TRDN: variants seen among roughly 807,000 people sequenced by gnomAD.
TRDN encodes triadin in skeletal muscle.
In TRDN, 161 loss-of-function variants were observed where a neutral mutation model predicts 149.7. That is an observed-to-expected ratio of 1.08 (90% CI 0.95 to 1.23). TRDN has a LOEUF of 1.23. TRDN is among the 50% of genes most tolerant of loss of function. The probability of loss-of-function intolerance (pLI) is 0.00; values close to 1 mark genes in which losing one functional copy is unlikely to be tolerated. For synonymous variants in TRDN, 294 were observed against 250.5 expected (o/e 1.17, Z -1.64); for missense variants, 896 against 823.5 (o/e 1.09, Z -1.08).
In TRDN at chr6:123,349,284, T is replaced by C. The variant is rs907659391; in HGVS notation, c.1369+3255A>G. The stretch of plus-strand genomic sequence containing the variant: ...GTTGCTAATGGTTCTCTTGAAAATA[T>C]ATAAACTACATAAACAAGGAGAGTA... On this transcript the variant is annotated intron_variant, in intron 21 of 40. Coordinates refer to ENST00000334268, the MANE Select transcript of TRDN (RefSeq NM_006073.4). Among the ~76,000 whole-genome samples the C allele has an allele frequency of 1.9e-4, 29 of 152,116 alleles. 1 individual carries two copies. Among genetic ancestry groups the C allele is most frequent in the Admixed American group, 1.3e-4 (2 of 15,242 alleles).
In TRDN at chr6:123,313,345, AT is replaced by A. The variant is rs201084862; in HGVS notation, c.1510+3111del. ...CACTTGCTGGAGAGGTGATATAGTC[AT>A]TTTAAGGGAAGATGGTACTCTGACT... On this transcript the variant is annotated intron_variant, in intron 24 of 40. Coordinates refer to ENST00000334268, the MANE Select transcript of TRDN (RefSeq NM_006073.4). Among the ~76,000 whole-genome samples the A allele has an allele frequency of 5.5e-4, 83 of 152,102 alleles. 1 individual carries two copies. The East Asian group carries it at 0.014, about 26-fold the overall frequency.
chr6:123,439,039 A>G (rs751329406), intron 10 of TRDN, 36 bp from the exon 11 acceptor site: 1 of 1,500,506 alleles, frequency 6.7e-7, no homozygotes, highest in South Asian at 1.3e-5. Context: ...CTTTAGGGAA[A>G]TTTAGTATGA....
chr6:123,616,200 C>A (rs977485049), intron 1 of TRDN, among the ~76,000 whole-genome samples: 1 of 151,978 alleles, frequency 6.6e-6, no homozygotes, highest in East Asian at 1.9e-4. Flanking sequence ...AAAAAATTAG[C>A]TGGGTGTCGT....
rs543226849 is a variant in TRDN at position 123,255,041 on chromosome 6, G to A, written c.1951+40C>T. ...TATTAAGCAACAACATAATTCATAT[G>A]TTTTCATACAAACATAGTAGTTACG... On this transcript the variant is annotated intron_variant, in intron 37 of 40. Transcript: ENST00000334268. 96 of 1,104,088 alleles carry A rather than the reference G, an allele frequency of 8.7e-5. No homozygotes were observed. The African/African-American group carries it at 1.3e-3, about 15-fold the overall frequency. 68.4% of individuals were successfully genotyped at this position (1,104,088 alleles called of 1,614,324 possible).
intron 1 of TRDN, among the ~76,000 whole-genome samples, chr6:123,604,241 G>A (rs1784414646): frequency 6.6e-6 from 1 of 152,190 alleles, no homozygotes; most frequent in South Asian, 2.1e-4. Context: ...CGCACAGGCT[G>A]CTGTGGGAAC....
At chr6:123,562,215 T>C (rs1226627345) in intron 2 of TRDN, among the ~76,000 whole-genome samples, 1 of 152,146 alleles carries the variant, frequency 6.6e-6, no homozygotes, top group African/African-American at 2.4e-5. Context: ...ACCCGAATCT[T>C]ATAAAATGGC....
intron 1 of TRDN, among the ~76,000 whole-genome samples, chr6:123,607,056 A>G (rs1395036752): frequency 1.3e-5 from 2 of 152,230 alleles, no homozygotes; most frequent in African/African-American, 4.8e-5. Context: ...TTACAAAACA[A>G]TTTGAAAACA....
intron 21 of TRDN, chr6:123,351,638 G>A (rs945090576): frequency 1.0e-6 from 1 of 955,494 alleles, no homozygotes; most frequent in African/African-American, 1.8e-5. Flanking sequence ...TATTTGACAT[G>A]TGAGGGATTG....
intron 10 of TRDN, chr6:123,441,087 A>T (rs1345889330): frequency 6.6e-6 from 1 of 152,150 alleles, no homozygotes; most frequent in East Asian, 1.9e-4. Flanking sequence ...TTTCATTTAA[A>T]ATGTCAACTT....
At chr6:123,541,990 C>G (rs1780859902) in intron 4 of TRDN, among the ~76,000 whole-genome samples, 1 of 152,144 alleles carries the variant, frequency 6.6e-6, no homozygotes, top group African/African-American at 2.4e-5. Flanking sequence ...CTGGCTCTTT[C>G]TCATTCGCTC....
intron 38 of TRDN, 99 bp downstream of exon 38, chr6:123,252,313 A>G (rs1776401771): frequency 1.4e-6 from 1 of 730,880 alleles, no homozygotes. Flanking sequence ...AGAATAAACT[A>G]TACTGAACAC....
At chr6:123,393,349 T>A (rs192782307) in intron 13 of TRDN, among the ~76,000 whole-genome samples, 187 of 152,210 alleles carry the variant, frequency 1.2e-3, no homozygotes, top group African/African-American at 4.1e-3. Flanking sequence ...GGATTATTTT[T>A]AAAAATATAC....
intron 8 of TRDN, chr6:123,498,638 T>G (rs988193563): frequency 1.1e-5 from 5 of 470,338 alleles, no homozygotes; most frequent in Non-Finnish European, 2.2e-5. Flanking sequence ...TCCCAGGACC[T>G]GGGAACCCTA....
intron 13 of TRDN, among the ~76,000 whole-genome samples, chr6:123,392,979 T>C (rs980824261): frequency 1.3e-5 from 2 of 152,064 alleles, no homozygotes; most frequent in Non-Finnish European, 2.9e-5. Context: ...AAACATTGTA[T>C]CTTTTATTTT....
chr6:123,294,257 C>T (rs934791164), intron 24 of TRDN, among the ~76,000 whole-genome samples: 2 of 152,200 alleles, frequency 1.3e-5, no homozygotes, highest in Non-Finnish European at 2.9e-5. Flanking sequence ...AACCAGGGCA[C>T]TGACCCCAGC....
At chr6:123,280,155 A>G (rs1777529829) in intron 24 of TRDN, among the ~76,000 whole-genome samples, 1 of 152,104 alleles carries the variant, frequency 6.6e-6, no homozygotes, top group African/African-American at 2.4e-5. Context: ...GGAAAGGCCA[A>G]GACAGTCAGT....
chr6:123,502,886 C>T, intron 8 of TRDN: 2 of 985,218 alleles, frequency 2.0e-6, no homozygotes, highest in Non-Finnish European at 2.4e-6. Context: ...GATTATACAG[C>T]AAACTGGAGT....
In TRDN at chr6:123,599,186, G is replaced by GTC. The variant is rs577778152; in HGVS notation, c.23-28056_23-28055dup. Among the ~76,000 whole-genome samples, 14 of 152,178 alleles carry GTC rather than the reference G, an allele frequency of 9.2e-5. No homozygotes were observed. In the East Asian group the frequency reaches 2.5e-3, roughly 27 times the overall value. On this transcript the variant is annotated intron_variant, in intron 1 of 40. Transcript: ENST00000334268. ...ACATATAAATATGGCTTTCTACAAT[G>GTC]TCTCTCTGAGGGGAAATTACTTCAG...
intron 10 of TRDN, among the ~76,000 whole-genome samples, chr6:123,458,242 AATG>A (rs1776246974): frequency 6.6e-6 from 1 of 152,130 alleles, no homozygotes; most frequent in African/African-American, 2.4e-5. Context: ...TTTGTATTCT[AATG>A]ATATTTGTGA....
Sources: gnomAD v4.1 joint callset for allele counts (sites outside exome capture counted in the v4.1 genomes callset) on GRCh38, gnomAD v4.1.1 for gene constraint, MANE v1.5 for transcripts, NCBI Gene and HGNC (gene_info 2026-07-23, HGNC 2026-07-21) for gene names.